Variants in RARA observed in about 807,000 individuals in gnomAD.
RARA encodes PML-DDX5-RARA fusion.
In RARA, 5 loss-of-function variants were observed where a neutral mutation model predicts 42.8. The ratio of observed to expected loss-of-function variants is 0.12; its 90% CI spans 0.06 to 0.25. The LOEUF is 0.25. Among genes scored for constraint, RARA ranks in the 10% least tolerant of loss-of-function variants. The pLI is 1.00. For synonymous variants in RARA, 256 were observed against 259.5 expected (o/e 0.99, Z 0.13); for missense variants, 402 against 628.7 (o/e 0.64, Z 3.86).
intron 1 of RARA, among the ~76,000 whole-genome samples, chr17:40,328,645 A>G (rs2033608556): frequency 6.6e-6 from 1 of 152,164 alleles, no homozygotes; most frequent in African/African-American, 2.4e-5. Flanking sequence ...GTCTCTATAA[A>G]TGTGCCTATC....
intron 4 of RARA, 103 bp downstream of exon 4, chr17:40,350,028 G>A (rs2143476317): frequency 2.0e-6 from 3 of 1,503,360 alleles, no homozygotes; most frequent in African/African-American, 2.8e-5. Flanking sequence ...GCACATGCAT[G>A]AACACGCATG....
At position 40,356,420 on chromosome 17, in the gene RARA, GCTCCCACAGC is replaced by G. The variant is rs1485519616; in HGVS notation, c.*197_*206del. ...GGCCTGGGCCCTCAGTGGACTGCCT[GCTCCCACAGC>G]CTGGGCTGACGTCAGAGGCCGAGGC... On this transcript the variant is annotated 3_prime_UTR_variant, in exon 9 of 9. Transcript: ENST00000254066. 2.7e-6 allele frequency: 2 copies of G among 739,100 alleles called. No individual in the cohort carries two copies. The highest frequency in any genetic ancestry group is 4.8e-6 in the Non-Finnish European group (2 of 420,382). 45.8% of individuals were successfully genotyped at this position (739,100 alleles called of 1,614,324 possible). A position where few individuals can be genotyped will look rare whatever the true frequency, so the allele number is the denominator to read the frequency against.
chr17:40,342,102 G>A (rs1259420405), intron 2 of RARA: 12 of 1,051,732 alleles, frequency 1.1e-5, no homozygotes, highest in Non-Finnish European at 1.3e-5. Context: ...GGGGCGGGGC[G>A]GTGGAAAGGG....
intron 2 of RARA, among the ~76,000 whole-genome samples, chr17:40,331,773 C>T (rs1221411608): frequency 6.6e-6 from 1 of 152,116 alleles, no homozygotes; most frequent in Non-Finnish European, 1.5e-5. Flanking sequence ...GGCAGCTCTA[C>T]CTAGAGTGAG....
chr17:40,329,199 C>T (rs2033625112), intron 1 of RARA, among the ~76,000 whole-genome samples: 1 of 151,588 alleles, frequency 6.6e-6, no homozygotes, highest in Admixed American at 6.6e-5. Context: ...GTGACACAAT[C>T]TCGGCTCACT....
chr17:40,328,896 G>A (rs935355063), intron 1 of RARA, among the ~76,000 whole-genome samples: 3 of 152,138 alleles, frequency 2.0e-5, no homozygotes, highest in African/African-American at 4.8e-5. Context: ...TCTTTCTGTG[G>A]ACTTACGTTG....
Position 40,326,701 on chromosome 17 carries a change from AGTGGAGGTGGCTGGCATAGG to A in RARA, c.-362-4147_-362-4128del, listed in dbSNP as rs1291707425. On this transcript the variant is annotated intron_variant, in intron 1 of 8. Transcript: ENST00000254066. The surrounding 1 kb of genome is among the most constrained non-coding windows in gnomAD (Gnocchi z 5.2). ...CTCTCAGGGGAGGGTGCCCGTGGGC[AGTGGAGGTGGCTGGCATAGG>A]GTGGAGGTTGGATGTGGGTAGTTTG... 1 of 153,024 alleles carries A rather than the reference AGTGGAGGTGGCTGGCATAGG, an allele frequency of 6.5e-6. No individual in the cohort carries two copies. The highest frequency in any genetic ancestry group is 1.5e-5 in the Non-Finnish European group (1 of 68,562). The allele number at this position is 153,024 out of a possible 1,614,324, so 9.5% of individuals were successfully genotyped here.
chr17:40,318,724 C>T (rs538326583), intron 1 of RARA, among the ~76,000 whole-genome samples: 1 of 152,382 alleles, frequency 6.6e-6, no homozygotes, highest in East Asian at 1.9e-4. Context: ...GTTGCAGAAC[C>T]GCCGCTGGGA....
At chr17:40,338,977 C>T (rs192519170) in intron 2 of RARA, among the ~76,000 whole-genome samples, 224 of 152,288 alleles carry the variant, frequency 1.5e-3, no homozygotes, top group Non-Finnish European at 2.6e-3. Flanking sequence ...GAGATCACAC[C>T]ACTGCACTCT....
At chr17:40,334,165 T>C (rs1411998900) in intron 2 of RARA, among the ~76,000 whole-genome samples, 1 of 152,022 alleles carries the variant, frequency 6.6e-6, no homozygotes, top group Non-Finnish European at 1.5e-5. Context: ...GTTGCAAGCT[T>C]CTTCCTCTTT....
At chr17:40,318,185 A>G (rs901609504) in intron 1 of RARA, 4 of 152,024 alleles carry the variant, frequency 2.6e-5, no homozygotes, top group African/African-American at 9.7e-5. Flanking sequence ...GTGGGCGGGC[A>G]GGGGCGGGCC....
chr17:40,317,264 G>A (rs1418285721), intron 1 of RARA, among the ~76,000 whole-genome samples: 2 of 152,022 alleles, frequency 1.3e-5, no homozygotes, highest in African/African-American at 4.8e-5. Context: ...TTCTCTGCCT[G>A]GGAACAGGGC....
chr17:40,315,132 G>GTATATATATATATATATATA (rs71356657), intron 1 of RARA, among the ~76,000 whole-genome samples: 2 of 64,194 alleles, frequency 3.1e-5, no homozygotes, highest in African/African-American at 6.5e-5. Flanking sequence ...GCTTATATGT[G>GTATATATATATATATATATA]TATATATATA....
chr17:40,335,981 G>A (rs191412360), intron 2 of RARA, among the ~76,000 whole-genome samples: 2 of 152,318 alleles, frequency 1.3e-5, no homozygotes, highest in East Asian at 3.9e-4. Flanking sequence ...CCAGCCTGGT[G>A]GGTGACAGAG....
chr17:40,354,249 G>A lies in RARA; in HGVS notation c.808-53G>A. ...CTGGTGCGGAGTGCTGGTGCCGAGT[G>A]CTCAGAGTGGGTTCGGGTTCAGTCC... is the stretch of plus-strand genomic sequence containing the variant. On this transcript the variant is annotated intron_variant, in intron 6 of 8. Transcript: ENST00000254066. This position sits in a 1 kb window ranked among gnomAD's most constrained non-coding sequence, Gnocchi z 4.5. 6.4e-7 allele frequency: 1 copy of A among 1,566,542 alleles called. No individual in the cohort carries two copies. Among genetic ancestry groups the A allele is most frequent in the Non-Finnish European group, 8.8e-7 (1 of 1,142,104 alleles).
At chr17:40,332,780 C>T (rs1336089338) in intron 2 of RARA, among the ~76,000 whole-genome samples, 1 of 152,252 alleles carries the variant, frequency 6.6e-6, no homozygotes, top group Non-Finnish European at 1.5e-5. Context: ...ATCAAACCTT[C>T]ATCTTCTGTT....
At chr17:40,344,110 G>A (rs1165555145) in intron 2 of RARA, among the ~76,000 whole-genome samples, 6 of 151,314 alleles carry the variant, frequency 4.0e-5, no homozygotes, top group Non-Finnish European at 8.9e-5. Context: ...TCTCGGGGGG[G>A]CCCTGGCAGA....
rs1349305124 is a variant in RARA at position 40,357,547 on chromosome 17, G to A, written c.*1321G>A. The stretch of plus-strand genomic sequence containing the variant: ...TCTGCCCCGACCTCCTTCACCAGGG[G>A]TTGGGGCCCCTTCCCCTGGAGCCCG... On this transcript the variant is annotated 3_prime_UTR_variant, in exon 9 of 9. Coordinates refer to ENST00000254066, the MANE Select transcript of RARA (RefSeq NM_000964.4). The A allele has an allele frequency of 8.6e-6, 2 of 232,694 alleles. No individual in the cohort carries two copies. The highest frequency in any genetic ancestry group is 1.2e-4 in the East Asian group (2 of 16,508). The allele number at this position is 232,694 out of a possible 1,614,324, so 14.4% of individuals were successfully genotyped here. A position where few individuals can be genotyped will look rare whatever the true frequency, so the allele number is the denominator to read the frequency against.
chr17:40,355,291 G>A lies in RARA; in HGVS notation c.1041G>A (p.Arg347=), dbSNP rs751435156. The A allele has an allele frequency of 6.3e-7, 1 of 1,594,854 alleles. No individual in the cohort carries two copies. The highest frequency in any genetic ancestry group is 8.5e-7 in the Non-Finnish European group (1 of 1,170,494). The part of the protein sequence containing the change: ...GDRQDLEQPD[R]VDMLQEPLLE... ...GCCAGGACCTGGAGCAGCCGGACCG[G>A]GTGGACATGCTGCAGGAGCCGCTGC... Residue 347 remains arginine, a synonymous_variant, in exon 8 of 9, where the codon CGG becomes CGA. Transcript: ENST00000254066. The surrounding 1 kb of genome is among the most constrained non-coding windows in gnomAD (Gnocchi z 4.1).
Sources: allele counts gnomAD v4.1 joint callset (sites outside exome capture counted in the v4.1 genomes callset), GRCh38; gene constraint gnomAD v4.1.1; non-coding constraint Gnocchi (gnomAD v3.1); transcripts MANE v1.5; gene names NCBI Gene and HGNC (gene_info 2026-07-23, HGNC 2026-07-21).